PREX2: variants seen among roughly 807,000 people sequenced by gnomAD.
The protein encoded by PREX2 is phosphatidylinositol 3,4,5-trisphosphate-dependent Rac exchanger 2 protein.
Under a neutral mutation model 203.2 loss-of-function variants are expected in PREX2, and 107 were observed. That is an observed-to-expected ratio of 0.53 (90% confidence interval 0.45 to 0.62). PREX2 has a LOEUF of 0.62. PREX2 is among the 20% of genes least tolerant of loss of function. The pLI, the probability that PREX2 is intolerant of heterozygous loss-of-function variation, is 0.00. For synonymous variants in PREX2, 672 were observed against 663.6 expected (o/e 1.01, Z -0.19); for missense variants, 1,777 against 1,955.9 (o/e 0.91, Z 1.72).
intron 6 of PREX2, among the ~76,000 whole-genome samples, chr8:68,032,546 G>A (rs1347270227): frequency 6.6e-6 from 1 of 152,138 alleles, no homozygotes; most frequent in East Asian, 1.9e-4. Context: ...GAACCCCATT[G>A]CCTGTCCCAG....
chr8:67,992,328 A>T (rs1297186094), intron 1 of PREX2, among the ~76,000 whole-genome samples: 1 of 152,188 alleles, frequency 6.6e-6, no homozygotes, highest in Non-Finnish European at 1.5e-5. Context: ...TCAACTTAAC[A>T]TTCTGGTTTT....
intron 10 of PREX2, among the ~76,000 whole-genome samples, chr8:68,057,839 T>A (rs1234314930): frequency 6.6e-6 from 1 of 152,190 alleles, no homozygotes; most frequent in Non-Finnish European, 1.5e-5. Context: ...CTTCTTCAGG[T>A]GTCTAGGGGA....
chr8:68,086,936 C>T (rs1440419807), intron 18 of PREX2, among the ~76,000 whole-genome samples: 4 of 152,050 alleles, frequency 2.6e-5, no homozygotes, highest in African/African-American at 9.7e-5. Flanking sequence ...TGATAAAGCT[C>T]CCAATAGGTA....
intron 31 of PREX2, among the ~76,000 whole-genome samples, chr8:68,131,949 G>C (rs950187061): frequency 7.2e-5 from 11 of 152,002 alleles, no homozygotes; most frequent in Non-Finnish European, 1.5e-4. Flanking sequence ...CAGATTTTCT[G>C]CTTCACTATA....
Position 68,083,309 on chromosome 8 carries a change from A to C in PREX2, c.1948A>C (p.Asn650His). 6.2e-7 allele frequency: 1 copy of C among 1,611,050 alleles called. No individual in the cohort carries two copies. Among genetic ancestry groups the C allele is most frequent in the Non-Finnish European group, 8.5e-7 (1 of 1,177,856 alleles). ...NGDLVFMRPFNEVDCFLKSCL... is the reference protein window; with the variant it reads ...NGDLVFMRPFHEVDCFLKSCL... ...TGACCTAGTTTTTATGAGACCTTTC[A>C]ATGAAGTGGATTGCTTCCTGAAATC... Residue 650 changes from asparagine to histidine, a missense_variant, in exon 18 of 40, where the codon AAT (asparagine) becomes CAT (histidine). Asn to His is a moderately conservative substitution (Grantham distance 68, BLOSUM62 1). Coordinates refer to ENST00000288368, the MANE Select transcript of PREX2 (RefSeq NM_024870.4).
intron 20 of PREX2, among the ~76,000 whole-genome samples, chr8:68,093,381 A>G (rs571203968): frequency 3.0e-5 from 4 of 132,176 alleles, no homozygotes; most frequent in South Asian, 5.2e-4. Context: ...CAAGAGGGAA[A>G]CTCCATCTCA....
intron 1 of PREX2, among the ~76,000 whole-genome samples, chr8:67,957,008 G>A (rs1805509776): frequency 6.6e-6 from 1 of 152,178 alleles, no homozygotes; most frequent in Non-Finnish European, 1.5e-5. Context: ...GGTATTGTAA[G>A]GATGATGAGA....
chr8:67,981,129 C>T (rs1048125743), intron 1 of PREX2, among the ~76,000 whole-genome samples: 4 of 152,114 alleles, frequency 2.6e-5, no homozygotes, highest in Non-Finnish European at 5.9e-5. Context: ...AATACAGTGT[C>T]CTATAGTTCA....
chr8:68,035,469 G>A (rs1331167890), intron 6 of PREX2, among the ~76,000 whole-genome samples: 1 of 152,100 alleles, frequency 6.6e-6, no homozygotes, highest in Non-Finnish European at 1.5e-5. Context: ...TCTCTCTGCA[G>A]TCAGTTCATA....
intron 20 of PREX2, 135 bp from the exon 21 acceptor site, chr8:68,093,470 T>C (rs1484202093): frequency 5.8e-6 from 3 of 516,922 alleles, no homozygotes; most frequent in Non-Finnish European, 1.1e-5. Context: ...TAGTTTCTGA[T>C]GTTAATTGTA....
At chr8:68,151,303 C>T (rs1318301428) in intron 34 of PREX2, among the ~76,000 whole-genome samples, 2 of 151,754 alleles carry the variant, frequency 1.3e-5, no homozygotes, top group South Asian at 2.1e-4. Context: ...TGTAGTCCTA[C>T]GTATTCGGGA....
chr8:68,117,846 AGT>A (rs1320135482), intron 26 of PREX2, among the ~76,000 whole-genome samples: 1 of 152,190 alleles, frequency 6.6e-6, no homozygotes, highest in Non-Finnish European at 1.5e-5. Context: ...GTAACCAATA[AGT>A]TATGATTTAA....
At chr8:68,190,605 G>C (rs1356905717) in intron 35 of PREX2, among the ~76,000 whole-genome samples, 1 of 151,980 alleles carries the variant, frequency 6.6e-6, no homozygotes, top group South Asian at 2.1e-4. Context: ...CTTGTGGAGA[G>C]GTAGGAAGGG....
intron 6 of PREX2, among the ~76,000 whole-genome samples, chr8:68,031,710 A>G (rs1486153936): frequency 6.6e-6 from 1 of 152,184 alleles, no homozygotes; most frequent in African/African-American, 2.4e-5. Context: ...TTCAGCATGA[A>G]TGCTGCCTCT....
chr8:68,093,743 T>C, intron 21 of PREX2, 21 bp downstream of exon 21: 1 of 1,267,292 alleles, frequency 7.9e-7, no homozygotes, highest in East Asian at 2.3e-5. Flanking sequence ...TATTTTCTTC[T>C]TCATGTGCTT....
chr8:68,006,572 G>T (rs1274660153), intron 1 of PREX2, among the ~76,000 whole-genome samples: 2 of 152,070 alleles, frequency 1.3e-5, no homozygotes, highest in Non-Finnish European at 2.9e-5. Context: ...TGTCACTGTT[G>T]CCTGGAGTCT....
intron 8 of PREX2, among the ~76,000 whole-genome samples, chr8:68,050,169 T>C (rs753041852): frequency 6.6e-6 from 1 of 152,192 alleles, no homozygotes; most frequent in Non-Finnish European, 1.5e-5. Context: ...TTTAAAATTA[T>C]TTGACACAAG....
chr8:68,083,416 T>C, intron 18 of PREX2, 28 bp downstream of exon 18: 1 of 1,547,720 alleles, frequency 6.5e-7, no homozygotes, highest in East Asian at 2.3e-5. Context: ...TGTGTGATTT[T>C]TTAAAAGTTA....
intron 21 of PREX2, among the ~76,000 whole-genome samples, chr8:68,096,658 A>G (rs942388276): frequency 1.8e-4 from 27 of 152,142 alleles, no homozygotes; most frequent in Admixed American, 1.6e-3. Flanking sequence ...ATATTCATAC[A>G]ACATTCGAGG....
Sources: allele counts gnomAD v4.1 joint callset (sites outside exome capture counted in the v4.1 genomes callset), GRCh38; gene constraint gnomAD v4.1.1; transcripts MANE v1.5; gene names NCBI Gene and HGNC (gene_info 2026-07-23, HGNC 2026-07-21).